TENM2: variants seen among roughly 807,000 people sequenced by gnomAD.
TENM2 encodes the protein teneurin transmembrane protein 2, also known as teneurin-2.
A neutral mutation model predicts 245.2 loss-of-function variants in TENM2; 52 were observed. The ratio of observed to expected loss-of-function variants is 0.21; its 90% CI spans 0.17 to 0.27. The LOEUF (loss-of-function observed/expected upper bound fraction) is 0.27. Ranked by LOEUF, TENM2 falls within the 10% of genes least tolerant of loss-of-function variation. The pLI is 1.00. For synonymous variants in TENM2, 1,363 were observed against 1,438.9 expected, an observed-to-expected ratio of 0.95 and a Z score of 1.19; for missense variants, 3,046 against 3,666.8, an observed-to-expected ratio of 0.83 and a Z score of 4.37.
At chr5:167,657,954 A>T (rs1754959735) in intron 2 of TENM2, among the ~76,000 whole-genome samples, 1 of 152,220 alleles carries the variant, frequency 6.6e-6, no homozygotes, top group African/African-American at 2.4e-5. Flanking sequence ...ACTGAACCTA[A>T]CTTTCTGGGT....
chr5:167,464,254 G>A (rs1272953654), intron 2 of TENM2, among the ~76,000 whole-genome samples: 1 of 152,188 alleles, frequency 6.6e-6, no homozygotes, highest in African/African-American at 2.4e-5. Context: ...TAGAGAGAGA[G>A]AGAGAGAGAA....
intron 2 of TENM2, among the ~76,000 whole-genome samples, chr5:167,554,476 T>C (rs1031388044): frequency 2.6e-5 from 4 of 152,204 alleles, no homozygotes; most frequent in Non-Finnish European, 5.9e-5. Context: ...GATTGTGGGT[T>C]ATAGTCCTGC....
chr5:168,158,016 G>C (rs1037473354), intron 12 of TENM2, among the ~76,000 whole-genome samples: 1 of 152,076 alleles, frequency 6.6e-6, no homozygotes, highest in Non-Finnish European at 1.5e-5. Flanking sequence ...TCTGCCTTCC[G>C]GGTTCAAATG....
At chr5:167,764,758 T>TGTGC (rs1762896922) in intron 2 of TENM2, among the ~76,000 whole-genome samples, 1 of 152,174 alleles carries the variant, frequency 6.6e-6, no homozygotes, top group Non-Finnish European at 1.5e-5. Context: ...TCTGAATGAA[T>TGTGC]GTGCCTTCCC....
rs1756742606 is a variant in TENM2, at chr5:167,321,783, T to TTTTTC, written c.226+36721_226+36722insTTTCT. The stretch of plus-strand genomic sequence containing the variant: ...GAATCTGTTGTCTTGCTGCCTTGGC[T>TTTTTC]TATTTTTTTTTTTTTTTTGGGGGGG... On this transcript the variant is annotated intron_variant, in intron 1 of 28. Transcript: ENST00000518659. 5.0e-5 allele frequency among the ~76,000 whole-genome samples: 2 copies of TTTTTC among 39,920 alleles called. 1 individual carries two copies. The highest frequency in any genetic ancestry group is 1.0e-4 in the Non-Finnish European group (2 of 19,224). The allele number at this position is 39,920 out of a possible 152,430, so 26.2% of individuals were successfully genotyped here. A position where few individuals can be genotyped will look rare whatever the true frequency, so the allele number is the denominator to read the frequency against.
chr5:167,211,452 A>G, the TENM2 span, among the ~76,000 whole-genome samples: 1 of 152,210 alleles, frequency 6.6e-6, no homozygotes, highest in Non-Finnish European at 1.5e-5. Context: ...ATCATTTATA[A>G]TACATTTAGG....
At chr5:167,349,757 T>C (rs1395268281) in intron 1 of TENM2, among the ~76,000 whole-genome samples, 1 of 152,146 alleles carries the variant, frequency 6.6e-6, no homozygotes, top group Non-Finnish European at 1.5e-5. Flanking sequence ...TGCCTAACAG[T>C]GTTCTGATAC....
At chr5:167,070,113 A>G in the TENM2 span, among the ~76,000 whole-genome samples, 1 of 148,908 alleles carries the variant, frequency 6.7e-6, no homozygotes, top group Non-Finnish European at 1.5e-5. Context: ...ACAAATATTT[A>G]TTTATTTATT....
At chr5:168,162,257 C>A (rs957292699) in intron 12 of TENM2, among the ~76,000 whole-genome samples, 1 of 152,150 alleles carries the variant, frequency 6.6e-6, no homozygotes, top group African/African-American at 2.4e-5. Flanking sequence ...AGAAAAGCTT[C>A]TTTTCAGTAG....
At chr5:167,756,659 C>G (rs1645712929) in intron 2 of TENM2, among the ~76,000 whole-genome samples, 1 of 152,178 alleles carries the variant, frequency 6.6e-6, no homozygotes, top group Non-Finnish European at 1.5e-5. Context: ...CAGATGCCCT[C>G]ATGGAGACTC....
At chr5:168,123,138 A>G (rs2152347029) in intron 10 of TENM2, among the ~76,000 whole-genome samples, 1 of 149,754 alleles carries the variant, frequency 6.7e-6, no homozygotes, top group South Asian at 2.1e-4. Context: ...TTCTAGAGAA[A>G]AAAAAAAAAA....
intron 2 of TENM2, among the ~76,000 whole-genome samples, chr5:167,778,011 C>T (rs1339146807): frequency 6.6e-6 from 1 of 152,172 alleles, no homozygotes; most frequent in Non-Finnish European, 1.5e-5. Flanking sequence ...CTGGCTGCTT[C>T]CTTGCTGCCA....
chr5:167,592,771 A>G (rs1326961990), intron 2 of TENM2, among the ~76,000 whole-genome samples: 2 of 152,202 alleles, frequency 1.3e-5, no homozygotes, highest in Non-Finnish European at 2.9e-5. Context: ...TTTACAGATA[A>G]GCTCTTATTT....
intron 1 of TENM2, among the ~76,000 whole-genome samples, chr5:167,365,183 C>T (rs1364115264): frequency 2.0e-5 from 3 of 151,960 alleles, no homozygotes; most frequent in African/African-American, 2.4e-5. Context: ...TTACACACTT[C>T]TAAGTAACCT....
intron 2 of TENM2, among the ~76,000 whole-genome samples, chr5:167,793,090 A>G (rs1016549516): frequency 2.6e-5 from 4 of 152,216 alleles, no homozygotes; most frequent in Admixed American, 6.5e-5. Context: ...TGTCCTTGCT[A>G]GTAAAGCCTT....
chr5:167,158,980 G>A, the TENM2 span, among the ~76,000 whole-genome samples: 2 of 138,100 alleles, frequency 1.4e-5, no homozygotes, highest in African/African-American at 5.4e-5. Context: ...TTTTGACAGA[G>A]TCTCACTCTG....
At chr5:167,761,534 A>G (rs1762669580) in intron 2 of TENM2, among the ~76,000 whole-genome samples, 1 of 152,230 alleles carries the variant, frequency 6.6e-6, no homozygotes, top group African/African-American at 2.4e-5. Flanking sequence ...ATCATGTTCT[A>G]TCAAAATACC....
At chr5:167,474,037 A>T (rs553328126) in intron 2 of TENM2, among the ~76,000 whole-genome samples, 1 of 152,302 alleles carries the variant, frequency 6.6e-6, no homozygotes, top group South Asian at 2.1e-4. Context: ...TATGGATTAG[A>T]TTAAAAATCT....
At chr5:167,475,605 C>T (rs1005880746) in intron 2 of TENM2, among the ~76,000 whole-genome samples, 6 of 152,064 alleles carry the variant, frequency 3.9e-5, no homozygotes, top group East Asian at 3.9e-4. Context: ...CTTTAAGCCC[C>T]GCATGCATTA....
Sources: gnomAD v4.1 joint callset for allele counts (sites outside exome capture counted in the v4.1 genomes callset) on GRCh38, gnomAD v4.1.1 for gene constraint, MANE v1.5 for transcripts, NCBI Gene and HGNC (gene_info 2026-07-23, HGNC 2026-07-21) for gene names.